The following JADE1 variants were observed in gnomAD, a reference collection of about 807,000 sequenced individuals.
JADE1 encodes jade family PHD finger 1, also known as protein Jade-1.
JADE1 carries 14 observed loss-of-function variants against 81.8 expected under a neutral mutation model. The observed-to-expected ratio is 0.17, with a 90% CI of 0.11 to 0.27. JADE1 has a LOEUF of 0.27. Ranked by LOEUF, JADE1 falls within the 10% of genes least tolerant of loss-of-function variation. The probability of loss-of-function intolerance (pLI) is 1.00; values close to 1 mark genes in which losing one functional copy is unlikely to be tolerated. For missense variants in JADE1, 690 were observed against 1,047.9 expected (o/e 0.66, Z 4.71); for synonymous variants, 353 against 391.9 (o/e 0.90, Z 1.17).
chr4:128,847,519 TG>T (rs1372942605), intron 4 of JADE1, among the ~76,000 whole-genome samples: 2 of 152,144 alleles, frequency 1.3e-5, no homozygotes, highest in African/African-American at 4.8e-5. Flanking sequence ...ACCTGTGGAA[TG>T]GAGTGGTCAT....
At position 128,813,971 on chromosome 4, in the gene JADE1, C is replaced by T. The variant is rs114567460; in HGVS notation, c.-27+4094C>T. 7.9e-3 allele frequency among the ~76,000 whole-genome samples: 1,194 copies of T among 151,686 alleles called. 15 individuals carry two copies. Among genetic ancestry groups the T allele is most frequent in the African/African-American group, 0.028 (1,146 of 41,314 alleles). On this transcript the variant is annotated intron_variant, in intron 1 of 10. Transcript: ENST00000226319. ...ATTCCACCTTTAAGAGTACAGACTG[C>T]TTACTAGTAAAAGTTGGGTTGGCTG...
At chr4:128,836,005 G>A (rs969120566) in intron 2 of JADE1, among the ~76,000 whole-genome samples, 4 of 152,182 alleles carry the variant, frequency 2.6e-5, no homozygotes, top group Non-Finnish European at 4.4e-5. Flanking sequence ...TGCAGGCAGC[G>A]TCTGCAGTTG....
chr4:128,860,120 C>T (rs1731198998), intron 8 of JADE1, among the ~76,000 whole-genome samples: 1 of 152,172 alleles, frequency 6.6e-6, no homozygotes, highest in Non-Finnish European at 1.5e-5. Flanking sequence ...GTCATCTGTT[C>T]CCACTTTTAC....
rs1268689737 is a variant in JADE1 at position 128,861,776 on chromosome 4, A to G, written c.1054A>G (p.Ile352Val). Residue 352 changes from isoleucine (I) to valine (V), a missense_variant, in exon 9 of 11, where the codon ATC becomes GTC. Physicochemically the swap from Ile to Val is conservative, Grantham distance 29 (BLOSUM62 3). Around this residue, in one of 8 missense-constraint regions of JADE1, gnomAD observed 77 missense variants for 76.4 expected, o/e 1.01. Coordinates refer to ENST00000226319, the MANE Select transcript of JADE1 (RefSeq NM_199320.4). ...AFDRGLEMKT[I>V]LAENDEVKFK... ...TGACCGGGGCCTGGAGATGAAGACC[A>G]TCTTAGCAGAGAATGATGAAGTCAA... 1.9e-6 allele frequency: 3 copies of G among 1,614,100 alleles called. No homozygotes were observed. Among genetic ancestry groups the G allele is most frequent in the Admixed American group, 1.7e-5 (1 of 60,010 alleles).
chr4:128,834,040 T>A (rs1440891621), intron 2 of JADE1, among the ~76,000 whole-genome samples: 1 of 152,206 alleles, frequency 6.6e-6, no homozygotes, highest in African/African-American at 2.4e-5. Context: ...TGAAGACACA[T>A]GTGGCTAGTG....
intron 7 of JADE1, among the ~76,000 whole-genome samples, chr4:128,856,537 C>G (rs1730811708): frequency 6.6e-6 from 1 of 152,204 alleles, no homozygotes; most frequent in Non-Finnish European, 1.5e-5. Context: ...AAAAAACCAC[C>G]ACTCTTAGGC....
Position 128,861,752 on chromosome 4 carries a change from G to T in JADE1, c.1030G>T (p.Asp344Tyr). ...AGCCTTCCATGTGACCTGTGCTTTT[G>T]ACCGGGGCCTGGAGATGAAGACCAT... ...RTAFHVTCAF[D>Y]RGLEMKTILA... is the part of the protein sequence containing the mutation. The change falls in exon 9 of 11, where the codon GAC (aspartate) becomes TAC (tyrosine). Residue 344 changes from aspartate to tyrosine, a missense_variant. Asp to Tyr is a radical substitution (Grantham distance 160). Transcript: ENST00000226319. The T allele has an allele frequency of 6.2e-7, 1 of 1,614,190 alleles. No individual in the cohort carries two copies. Among genetic ancestry groups the T allele is most frequent in the South Asian group, 1.1e-5 (1 of 91,052 alleles).
At chr4:128,817,236 A>C (rs1047910315) in intron 1 of JADE1, among the ~76,000 whole-genome samples, 1 of 151,962 alleles carries the variant, frequency 6.6e-6, no homozygotes, top group Non-Finnish European at 1.5e-5. Flanking sequence ...AGGTTTCACT[A>C]TGTTGCTCAG....
chr4:128,844,808 A>T (rs1054352203), intron 3 of JADE1, among the ~76,000 whole-genome samples: 5 of 152,190 alleles, frequency 3.3e-5, no homozygotes, highest in Non-Finnish European at 5.9e-5. Flanking sequence ...ACTGGGGAAT[A>T]GTCCGTATGG....
chr4:128,819,169 T>G (rs1234504427), intron 1 of JADE1, among the ~76,000 whole-genome samples: 1 of 152,172 alleles, frequency 6.6e-6, no homozygotes, highest in African/African-American at 2.4e-5. Context: ...TCTAGGAACC[T>G]GAAAATGCAA....
intron 9 of JADE1, among the ~76,000 whole-genome samples, chr4:128,867,102 C>A (rs1477258376): frequency 6.6e-6 from 1 of 152,208 alleles, no homozygotes; most frequent in Non-Finnish European, 1.5e-5. Flanking sequence ...TGGGTCTTTT[C>A]AGTTACAAGC....
intron 1 of JADE1, chr4:128,816,403 T>C (rs1316958091): frequency 6.6e-6 from 1 of 152,232 alleles, no homozygotes; most frequent in African/African-American, 2.4e-5. Context: ...TCTGCTCTCC[T>C]AATAAATGCA....
At position 128,824,673 on chromosome 4, in the gene JADE1, T is replaced by G. The variant is rs1183942220; in HGVS notation, c.-26-7060T>G. 3.3e-5 allele frequency among the ~76,000 whole-genome samples: 5 copies of G among 152,198 alleles called. No individual in the cohort carries two copies. The East Asian group carries it at 9.6e-4, about 29-fold the overall frequency. On this transcript the variant is annotated intron_variant, in intron 1 of 10. Coordinates refer to ENST00000226319, the MANE Select transcript of JADE1 (RefSeq NM_199320.4). ...GAACATAAGGTAACAGTACGGGAACTAAGGCATTCATCCAGTAGGTTATTT... is the reference window on the plus strand; with the variant it reads ...GAACATAAGGTAACAGTACGGGAACGAAGGCATTCATCCAGTAGGTTATTT...
intron 1 of JADE1, among the ~76,000 whole-genome samples, chr4:128,818,451 G>A (rs1727250034): frequency 6.6e-6 from 1 of 152,136 alleles, no homozygotes; most frequent in Non-Finnish European, 1.5e-5. Flanking sequence ...GAGTGATTGT[G>A]TCTGATCCTT....
In JADE1 at chr4:128,809,778, G is replaced by GGCCCGCCCGGCT. The variant is rs1261803741; in HGVS notation, c.-125_-114dup. On this transcript the variant is annotated 5_prime_UTR_variant, in exon 1 of 11. Coordinates refer to ENST00000226319, the MANE Select transcript of JADE1 (RefSeq NM_199320.4). Reference sequence around the variant, plus strand: ...GTGTGTGCGCGCCGGCGAGAGCAGGGGCCCGCCCGGCTCCCCGCCCGCCGC... The same window carrying GGCCCGCCCGGCT: ...GTGTGTGCGCGCCGGCGAGAGCAGGGGCCCGCCCGGCTGCCCGCCCGGCTCCCCGCCCGCCGC... The GGCCCGCCCGGCT allele has an allele frequency of 6.6e-6, 1 of 152,034 alleles. No individual in the cohort carries two copies. The highest frequency in any genetic ancestry group is 2.4e-5 in the African/African-American group (1 of 41,370). The allele number at this position is 152,034 out of a possible 1,614,324, so 9.4% of individuals were successfully genotyped here.
At chr4:128,858,371 T>A (rs1262185695) in intron 8 of JADE1, among the ~76,000 whole-genome samples, 1 of 152,088 alleles carries the variant, frequency 6.6e-6, no homozygotes, top group Non-Finnish European at 1.5e-5. Context: ...AGTTTGGATC[T>A]TCTCGGATGT....
In JADE1 at chr4:128,871,559, A is replaced by AAACCCTGCTGAAGCAGCC. The variant is rs748580803; in HGVS notation, c.1828_1845dup (p.Thr610_Pro615dup). ...CAGAATAGCCCTGGAAGTGAAGGCA[A>AAACCCTGCTGAAGCAGCC]AACCCTGCTGAAGCAGCCAGACCTG... On this transcript the variant is annotated inframe_insertion, in exon 11 of 11. Coordinates refer to ENST00000226319, the MANE Select transcript of JADE1 (RefSeq NM_199320.4). This position sits in a 1 kb window ranked among gnomAD's most constrained non-coding sequence, Gnocchi z 4.1. 1.3e-5 allele frequency: 21 copies of AAACCCTGCTGAAGCAGCC among 1,614,058 alleles called. No individual in the cohort carries two copies. The Admixed American group carries it at 3.3e-4, about 26-fold the overall frequency.
chr4:128,869,083 A>G (rs1731995784), intron 10 of JADE1, among the ~76,000 whole-genome samples: 1 of 152,154 alleles, frequency 6.6e-6, no homozygotes, highest in African/African-American at 2.4e-5. Flanking sequence ...GACTAGAGGG[A>G]GCTCGGTCAT....
intron 5 of JADE1, among the ~76,000 whole-genome samples, chr4:128,851,758 G>T (rs967270783): frequency 6.6e-6 from 1 of 152,002 alleles, no homozygotes; most frequent in South Asian, 2.1e-4. Context: ...CAACCTCCTG[G>T]GCTCAAGCAG....
Sources: allele counts gnomAD v4.1 joint callset (sites outside exome capture counted in the v4.1 genomes callset), GRCh38; gene constraint gnomAD v4.1.1; regional missense constraint gnomAD v4.1.1; non-coding constraint Gnocchi (gnomAD v3.1); transcripts MANE v1.5; gene names NCBI Gene and HGNC (gene_info 2026-07-23, HGNC 2026-07-21).